Variants in GDI2 observed in about 807,000 individuals in gnomAD.
GDI2 encodes the protein GDP dissociation inhibitor 2, also known as rab GDP dissociation inhibitor beta.
Under a neutral mutation model 54.2 loss-of-function variants are expected in GDI2, and 22 were observed. That is an observed-to-expected ratio of 0.41 (90% CI 0.29 to 0.58). The LOEUF (loss-of-function observed/expected upper bound fraction) is 0.58. Ranked by LOEUF, GDI2 falls within the 20% of genes least tolerant of loss-of-function variation. The pLI, the probability that GDI2 is intolerant of heterozygous loss-of-function variation, is 0.35. For missense variants in GDI2, 422 were observed against 546.0 expected, an observed-to-expected ratio of 0.77 and a Z score of 2.26; for synonymous variants, 177 against 182.1, an observed-to-expected ratio of 0.97 and a Z score of 0.23.
chr10:5,805,427 C>A (rs909255344), intron 1 of GDI2, among the ~76,000 whole-genome samples: 1 of 151,200 alleles, frequency 6.6e-6, no homozygotes, highest in Non-Finnish European at 1.5e-5. Flanking sequence ...CGTTGCCCAG[C>A]CTGGAGTGCA....
At chr10:5,805,817 C>T (rs1173340595) in intron 1 of GDI2, among the ~76,000 whole-genome samples, 1 of 152,160 alleles carries the variant, frequency 6.6e-6, no homozygotes, top group Non-Finnish European at 1.5e-5. Flanking sequence ...TGTGTAATAT[C>T]CGAGTTGGGG....
At chr10:5,802,528 G>A (rs1395077652) in intron 1 of GDI2, among the ~76,000 whole-genome samples, 1 of 151,760 alleles carries the variant, frequency 6.6e-6, no homozygotes, top group African/African-American at 2.4e-5. Flanking sequence ...GAACCAGGGA[G>A]TTGGAGGCTG....
chr10:5,778,389 C>T (rs960259756), intron 6 of GDI2, among the ~76,000 whole-genome samples: 9 of 152,182 alleles, frequency 5.9e-5, no homozygotes, highest in Non-Finnish European at 1.2e-4. Flanking sequence ...GTAATTGAAA[C>T]ATGCTTTCTT....
chr10:5,786,012 A>G lies in GDI2; in HGVS notation c.427T>C (p.Phe143Leu), dbSNP rs1341150715. ...GLFEKRRFRKFLVYVANFDEK... is the reference protein window; with the variant it reads ...GLFEKRRFRKLLVYVANFDEK... Reference sequence around the variant, plus strand: ...TCGAAGTTGGCAACATACACTAGGAATTTCCTGAAGCGACGTTTTTCAAAC... The same window carrying G: ...TCGAAGTTGGCAACATACACTAGGAGTTTCCTGAAGCGACGTTTTTCAAAC... Residue 143 changes from phenylalanine to leucine, a missense_variant, in exon 5 of 11, where the codon TTC (phenylalanine) becomes CTC (leucine). Phe to Leu is a conservative substitution (Grantham distance 22). Transcript: ENST00000380191. 1.9e-6 allele frequency: 3 copies of G among 1,613,892 alleles called. No individual in the cohort carries two copies. Among genetic ancestry groups the G allele is most frequent in the Non-Finnish European group, 8.5e-7 (1 of 1,179,848 alleles).
intron 1 of GDI2, among the ~76,000 whole-genome samples, chr10:5,807,911 C>T (rs1020388777): frequency 3.9e-5 from 6 of 152,186 alleles, no homozygotes; most frequent in Non-Finnish European, 5.9e-5. Context: ...GGTGTTTCCA[C>T]GGCCAGTAAC....
intron 7 of GDI2, among the ~76,000 whole-genome samples, chr10:5,771,407 G>A (rs990904752): frequency 1.3e-5 from 2 of 152,122 alleles, no homozygotes; most frequent in Non-Finnish European, 2.9e-5. Context: ...TATTTGTGGT[G>A]GCAGACATCA....
Position 5,786,114 on chromosome 10 carries a change from G to A in GDI2, c.389-64C>T, listed in dbSNP as rs528376387. On this transcript the variant is annotated intron_variant, in intron 4 of 10. Coordinates refer to ENST00000380191, the MANE Select transcript of GDI2 (RefSeq NM_001494.4). The stretch of plus-strand genomic sequence containing the variant: ...TCAGACATTGAGGAGAACGAAGTAT[G>A]AGAGCAAAGTTTAAACATGCCTTGT... The A allele has an allele frequency of 1.2e-4, 123 of 1,033,692 alleles. No individual in the cohort carries two copies. The South Asian group carries it at 1.5e-3, about 13-fold the overall frequency. The allele number at this position is 1,033,692 out of a possible 1,614,324, so 64.0% of individuals were successfully genotyped here. A position where few individuals can be genotyped will look rare whatever the true frequency, so the allele number is the denominator to read the frequency against.
intron 6 of GDI2, among the ~76,000 whole-genome samples, chr10:5,782,885 A>C (rs1840792026): frequency 6.6e-6 from 1 of 152,232 alleles, no homozygotes; most frequent in South Asian, 2.1e-4. Context: ...GTGAGCTGAG[A>C]CTGCACCACA....
chr10:5,801,701 G>C (rs903393222), intron 1 of GDI2, among the ~76,000 whole-genome samples: 1 of 150,918 alleles, frequency 6.6e-6, no homozygotes, highest in African/African-American at 2.4e-5. Context: ...GGATGTCCTT[G>C]ATAAAAGCAT....
At chr10:5,793,316 C>G (rs1360616176) in intron 4 of GDI2, among the ~76,000 whole-genome samples, 3 of 152,128 alleles carry the variant, frequency 2.0e-5, no homozygotes, top group Admixed American at 6.6e-5. Context: ...GGATTCTATT[C>G]AAACTCAAAC....
At chr10:5,804,764 C>G (rs895642299) in intron 1 of GDI2, among the ~76,000 whole-genome samples, 2 of 151,878 alleles carry the variant, frequency 1.3e-5, no homozygotes, top group African/African-American at 4.8e-5. Context: ...CCTAGTACCA[C>G]AGCAGAGTTG....
intron 2 of GDI2, among the ~76,000 whole-genome samples, chr10:5,798,169 A>G (rs1267725853): frequency 6.6e-6 from 1 of 152,234 alleles, no homozygotes; most frequent in Non-Finnish European, 1.5e-5. Context: ...TTAATTTATA[A>G]TTCACATGAA....
Position 5,795,006 on chromosome 10 carries a change from C to T in GDI2, c.267G>A (p.Lys89=), listed in dbSNP as rs1841114890. The change falls in exon 4 of 11, where the codon AAG becomes AAA. Residue 89 remains lysine (K), a synonymous_variant. Transcript: ENST00000380191. ...KFLMANGQLV[K]MLLYTEVTRY... ...GAGTTACCTCTGTATAAAGCAGCAT[C>T]TTAACCAGCTGACCTAGAAAAGTCA... 6.3e-7 allele frequency: 1 copy of T among 1,586,794 alleles called. No individual in the cohort carries two copies. The highest frequency in any genetic ancestry group is 8.6e-7 in the Non-Finnish European group (1 of 1,156,106).
chr10:5,798,867 C>T (rs1241274223), intron 2 of GDI2, among the ~76,000 whole-genome samples: 1 of 4,842 alleles, frequency 2.1e-4, no homozygotes. Flanking sequence ...CCCAGCTACT[C>T]AGAAGGCTGA....
At chr10:5,781,844 G>A (rs1015799203) in intron 6 of GDI2, among the ~76,000 whole-genome samples, 1 of 150,984 alleles carries the variant, frequency 6.6e-6, no homozygotes, top group Admixed American at 6.6e-5. Context: ...GCAAAACCCC[G>A]TCTACCCAAA....
At position 5,808,431 on chromosome 10, in the gene GDI2, T is replaced by A. The variant is rs771421063; in HGVS notation, c.45+4783A>T. 8.7e-4 allele frequency among the ~76,000 whole-genome samples: 132 copies of A among 152,146 alleles called. 2 individuals carry two copies. The highest frequency in any genetic ancestry group is 1.6e-4 in the Non-Finnish European group (11 of 68,018). On this transcript the variant is annotated intron_variant, in intron 1 of 10. Transcript: ENST00000380191. ...GCTCTCGCCTGTAATCCCAGCACTTTGGGAGGCTGAGGCAGGCAGATCACC... is the reference window on the plus strand; with the variant it reads ...GCTCTCGCCTGTAATCCCAGCACTTAGGGAGGCTGAGGCAGGCAGATCACC...
intron 6 of GDI2, among the ~76,000 whole-genome samples, chr10:5,781,145 G>A (rs1840744738): frequency 6.7e-6 from 1 of 150,286 alleles, no homozygotes; most frequent in Admixed American, 6.7e-5. Context: ...TCCAACAAAT[G>A]CAGCTAAAAC....
intron 7 of GDI2, among the ~76,000 whole-genome samples, chr10:5,773,213 T>C (rs1421942118): frequency 1.3e-5 from 2 of 152,120 alleles, no homozygotes; most frequent in African/African-American, 2.4e-5. Flanking sequence ...GTTAAAAAGA[T>C]AAAGCTTAGA....
At chr10:5,781,173 T>TA (rs56401510) in intron 6 of GDI2, among the ~76,000 whole-genome samples, 24,046 of 133,946 alleles carry the variant, frequency 0.18, 2,297 homozygotes, top group Admixed American at 0.25. Context: ...TATTCGTATG[T>TA]AAAAAAAAAA....
Sources: allele counts gnomAD v4.1 joint callset (sites outside exome capture counted in the v4.1 genomes callset), GRCh38; gene constraint gnomAD v4.1.1; transcripts MANE v1.5; gene names NCBI Gene and HGNC (gene_info 2026-07-23, HGNC 2026-07-21).